The following ELP1 variants were observed in gnomAD, a reference collection of about 807,000 sequenced individuals.
ELP1 encodes elongator acetyltransferase complex subunit 1, also known as elongator complex protein 1.
In ELP1, 131 loss-of-function variants were observed where a neutral mutation model predicts 183.2. The observed-to-expected ratio is 0.72, with a 90% CI of 0.62 to 0.83. The LOEUF is 0.83. ELP1 is among the 40% of genes least tolerant of loss of function. The pLI is 0.00. For synonymous variants in ELP1, 555 were observed against 569.0 expected (o/e 0.98, Z 0.35); for missense variants, 1,550 against 1,594.9 (o/e 0.97, Z 0.48).
At chr9:108,872,721 C>T (rs899184001) in intron 36 of ELP1, among the ~76,000 whole-genome samples, 5 of 133,284 alleles carry the variant, frequency 3.8e-5, no homozygotes, top group East Asian at 2.4e-4. Context: ...AGGAGAATGG[C>T]GTGAACCCGG....
rs898815959 is a variant in ELP1 at position 108,867,595 on chromosome 9, T to C, written c.*1520A>G. On this transcript the variant is annotated 3_prime_UTR_variant, in exon 37 of 37. Coordinates refer to ENST00000374647, the MANE Select transcript of ELP1 (RefSeq NM_003640.5). The stretch of plus-strand genomic sequence containing the variant: ...ACAGTTATCCAAAGCAAGAGCACTA[T>C]ATTTCAATATAAGTTACCATGCTTA... 1 of 152,238 alleles carries C rather than the reference T, an allele frequency of 6.6e-6. No homozygotes were observed. The highest frequency in any genetic ancestry group is 2.4e-5 in the African/African-American group (1 of 41,462). The allele number at this position is 152,238 out of a possible 1,614,324, so 9.4% of individuals were successfully genotyped here. A position where few individuals can be genotyped will look rare whatever the true frequency, so the allele number is the denominator to read the frequency against.
intron 14 of ELP1, 40 bp from the exon 15 acceptor site, chr9:108,903,709 T>C (rs995485643): frequency 6.9e-7 from 1 of 1,445,588 alleles, no homozygotes; most frequent in Non-Finnish European, 9.7e-7. Context: ...ACAGACCATT[T>C]TTCTCAAAAA....
intron 29 of ELP1, among the ~76,000 whole-genome samples, chr9:108,884,496 T>A (rs1355951117): frequency 6.6e-6 from 1 of 152,018 alleles, no homozygotes; most frequent in Non-Finnish European, 1.5e-5. Flanking sequence ...GACCATATTA[T>A]AAATTAAAAT....
chr9:108,915,353 T>G (rs914582635), intron 10 of ELP1, among the ~76,000 whole-genome samples: 3 of 152,208 alleles, frequency 2.0e-5, no homozygotes, highest in African/African-American at 7.2e-5. Context: ...ATATTTATAA[T>G]CGGCTGACTA....
chr9:108,893,923 A>G lies in ELP1; in HGVS notation c.2860+20T>C. 1 of 1,613,450 alleles carries G rather than the reference A, an allele frequency of 6.2e-7. No homozygotes were observed. The highest frequency in any genetic ancestry group is 8.5e-7 in the Non-Finnish European group (1 of 1,179,564). Reference sequence around the variant, plus strand: ...AAGAAGATCTGAAGTAGAGATAAACATACTAATCCCCACACTTACCACATT... The same window carrying G: ...AAGAAGATCTGAAGTAGAGATAAACGTACTAATCCCCACACTTACCACATT... On this transcript the variant is annotated intron_variant, in intron 26 of 36. Transcript: ENST00000374647.
chr9:108,881,682 T>G (rs773063597), intron 31 of ELP1, 23 bp downstream of exon 31: 1 of 1,451,140 alleles, frequency 6.9e-7, no homozygotes, highest in South Asian at 1.1e-5. Flanking sequence ...AATGAGGAAT[T>G]CTATCTAAAA....
chr9:108,895,851 T>C (rs943441281), intron 25 of ELP1, among the ~76,000 whole-genome samples: 6 of 152,170 alleles, frequency 3.9e-5, no homozygotes, highest in African/African-American at 1.4e-4. Flanking sequence ...CACCCTCCAC[T>C]AGAAAAAAGA....
intron 11 of ELP1, 145 bp downstream of exon 11, chr9:108,912,119 T>C (rs1471283214): frequency 1.4e-6 from 1 of 720,890 alleles, no homozygotes; most frequent in African/African-American, 1.7e-5. Context: ...ATACCCCACC[T>C]TATATCCCAT....
In ELP1 at chr9:108,891,331, C is replaced by T. The variant is rs368999377; in HGVS notation, c.3032G>A (p.Arg1011His). ...MYEPAGLMFA[R>H]CGAHEKALSA... Reference sequence around the variant, plus strand: ...GAGAGCTTTCTCGTGGGCACCGCAACGGGCAAACATGAGCCCCGCTGGCTC... The same window carrying T: ...GAGAGCTTTCTCGTGGGCACCGCAATGGGCAAACATGAGCCCCGCTGGCTC... Residue 1011 changes from arginine to histidine, a missense_variant, in exon 28 of 37, where the codon CGT becomes CAT. Arg to His is a conservative substitution (Grantham distance 29). Coordinates refer to ENST00000374647, the MANE Select transcript of ELP1 (RefSeq NM_003640.5). 68 of 1,614,134 alleles carry T rather than the reference C, an allele frequency of 4.2e-5. No individual in the cohort carries two copies. The highest frequency in any genetic ancestry group is 1.7e-4 in the Middle Eastern group (1 of 6,050).
chr9:108,879,555 C>A lies in ELP1; in HGVS notation c.3463G>T (p.Asp1155Tyr). ...GACTCTTGCCCGTGGGGTACCTCAT[C>A]ATCTAGAAAAGAAGAACCAGAAGCC... ...KEQAQQAGLD[D>Y]EVPHGQESDL... Residue 1155 changes from aspartate to tyrosine, a missense_variant and splice_region_variant, in exon 33 of 37, where the codon GAT becomes TAT. Transcript: ENST00000374647. 3 of 1,611,184 alleles carry A rather than the reference C, an allele frequency of 1.9e-6. No individual in the cohort carries two copies. Among genetic ancestry groups the A allele is most frequent in the Non-Finnish European group, 2.5e-6 (3 of 1,177,398 alleles).
intron 31 of ELP1, 138 bp from the exon 32 acceptor site, chr9:108,880,303 C>T (rs1827877614): frequency 2.9e-6 from 2 of 679,582 alleles, no homozygotes; most frequent in African/African-American, 3.6e-5. Context: ...AGCTCTTTTT[C>T]CTTAATAAGC....
At position 108,931,092 on chromosome 9, in the gene ELP1, C is replaced by T. The variant is rs775044790; in HGVS notation, c.55G>A (p.Gly19Arg). ...TLEFRDIQGP[G>R]NPQCFSLRTE... ...CGGAGAGAGAAGCACTGAGGATTCC[C>T]TGGACCTTGAATATCCCTGAACTCC... Residue 19 changes from glycine (G) to arginine (R), a missense_variant, in exon 2 of 37, where the codon GGG (glycine) becomes AGG (arginine). Coordinates refer to ENST00000374647, the MANE Select transcript of ELP1 (RefSeq NM_003640.5). 2 of 1,614,156 alleles carry T rather than the reference C, an allele frequency of 1.2e-6. No homozygotes were observed. Among genetic ancestry groups the T allele is most frequent in the South Asian group, 2.2e-5 (2 of 91,076 alleles).
At chr9:108,878,487 C>T in intron 34 of ELP1, 136 bp downstream of exon 34, 1 of 1,147,880 alleles carries the variant, frequency 8.7e-7, no homozygotes, top group Non-Finnish European at 1.3e-6. Flanking sequence ...GCAGACATGA[C>T]CCTTCCTGCT....
At chr9:108,933,365 C>T (rs989531241) in intron 1 of ELP1, among the ~76,000 whole-genome samples, 1 of 152,354 alleles carries the variant, frequency 6.6e-6, no homozygotes, top group South Asian at 2.1e-4. Context: ...CCAACACCGA[C>T]TGAGCACTTG....
intron 31 of ELP1, 44 bp from the exon 32 acceptor site, chr9:108,880,209 C>G: frequency 7.4e-7 from 1 of 1,360,132 alleles, no homozygotes; most frequent in African/African-American, 1.4e-5. Context: ...GAGGTTTAAG[C>G]AAAGAGAAAA....
intron 5 of ELP1, among the ~76,000 whole-genome samples, chr9:108,923,682 T>G (rs56248499): frequency 6.6e-6 from 1 of 152,162 alleles, no homozygotes; most frequent in African/African-American, 2.4e-5. Context: ...ACTTAGAGAT[T>G]GAGACCCTCC....
chr9:108,893,823 A>G (rs1564081728), intron 26 of ELP1, 120 bp downstream of exon 26: 3 of 1,059,368 alleles, frequency 2.8e-6, no homozygotes, highest in Non-Finnish European at 4.3e-6. Context: ...CATAATTGTT[A>G]GAGTTTTCAG....
At chr9:108,918,643 T>C (rs1167783809) in intron 8 of ELP1, among the ~76,000 whole-genome samples, 168 bp downstream of exon 8, 1 of 127,010 alleles carries the variant, frequency 7.9e-6, no homozygotes, top group Non-Finnish European at 1.8e-5. Flanking sequence ...CTTCAGGGAA[T>C]AAGAAAAAAA....
intron 3 of ELP1, 28 bp downstream of exon 3, chr9:108,929,741 T>C (rs769002722): frequency 2.0e-5 from 32 of 1,612,758 alleles, no homozygotes; most frequent in Middle Eastern, 1.7e-4. Flanking sequence ...TGCTTGAGAC[T>C]CCCCCCTCAC....
Sources: gnomAD v4.1 joint callset for allele counts (sites outside exome capture counted in the v4.1 genomes callset) on GRCh38, gnomAD v4.1.1 for gene constraint, MANE v1.5 for transcripts, NCBI Gene and HGNC (gene_info 2026-07-23, HGNC 2026-07-21) for gene names.